The following CDK17 variants were observed in gnomAD, a reference collection of about 807,000 sequenced individuals.
CDK17 encodes cyclin dependent kinase 17.
A neutral mutation model predicts 77.6 loss-of-function variants in CDK17; 24 were observed. The ratio of observed to expected loss-of-function variants is 0.31; its 90% CI spans 0.22 to 0.44. CDK17 has a LOEUF of 0.44. CDK17 is among the 20% of genes least tolerant of loss of function. The probability of loss-of-function intolerance (pLI) is 1.00; values close to 1 mark genes in which losing one functional copy is unlikely to be tolerated. For synonymous variants in CDK17, 203 were observed against 210.4 expected, an observed-to-expected ratio of 0.96 and a Z score of 0.30; for missense variants, 429 against 622.5, an observed-to-expected ratio of 0.69 and a Z score of 3.31.
intron 1 of CDK17, among the ~76,000 whole-genome samples, chr12:96,340,104 C>T (rs1444367302): frequency 6.6e-6 from 1 of 151,628 alleles, no homozygotes; most frequent in African/African-American, 2.4e-5. Flanking sequence ...TGACATAGAG[C>T]ATTTTATATG....
At chr12:96,291,628 CTT>C (rs1164677307) in intron 10 of CDK17, among the ~76,000 whole-genome samples, 5 of 117,754 alleles carry the variant, frequency 4.2e-5, no homozygotes, top group Admixed American at 1.8e-4. Context: ...ATTCCTTTTG[CTT>C]TTTTTTTTTT....
At chr12:96,355,688 G>A (rs759251692) in intron 1 of CDK17, among the ~76,000 whole-genome samples, 3 of 152,118 alleles carry the variant, frequency 2.0e-5, no homozygotes, top group African/African-American at 7.2e-5. Flanking sequence ...TTACAGGCGT[G>A]AGCCAACGTG....
At chr12:96,375,162 T>C (rs1350217246) in intron 1 of CDK17, among the ~76,000 whole-genome samples, 1 of 152,100 alleles carries the variant, frequency 6.6e-6, no homozygotes, top group Non-Finnish European at 1.5e-5. Flanking sequence ...CAAAAATGAG[T>C]TAAACATAGA....
intron 1 of CDK17, among the ~76,000 whole-genome samples, chr12:96,375,506 T>C (rs573021870): frequency 2.2e-5 from 3 of 138,610 alleles, no homozygotes; most frequent in South Asian, 4.5e-4. Context: ...TCTCTGATCC[T>C]AACCTTTTTT....
chr12:96,337,028 G>A (rs549563773), intron 1 of CDK17, among the ~76,000 whole-genome samples: 16 of 152,094 alleles, frequency 1.1e-4, no homozygotes, highest in Non-Finnish European at 1.6e-4. Flanking sequence ...CGGAAAAAAC[G>A]TAGAGCCTCC....
At chr12:96,319,952 C>T (rs1332585577) in intron 3 of CDK17, among the ~76,000 whole-genome samples, 1 of 148,152 alleles carries the variant, frequency 6.7e-6, no homozygotes, top group Non-Finnish European at 1.5e-5. Context: ...CTGGCCAGGG[C>T]AATCAGGCAG....
At chr12:96,343,632 T>C (rs746406914) in intron 1 of CDK17, among the ~76,000 whole-genome samples, 1 of 152,218 alleles carries the variant, frequency 6.6e-6, no homozygotes, top group Non-Finnish European at 1.5e-5. Flanking sequence ...ACAGAGATAA[T>C]GTAATAGAAA....
At chr12:96,345,026 T>C (rs1953182097) in intron 1 of CDK17, among the ~76,000 whole-genome samples, 1 of 152,220 alleles carries the variant, frequency 6.6e-6, no homozygotes, top group African/African-American at 2.4e-5. Flanking sequence ...TCCCTCCCTG[T>C]TTCCATATGT....
intron 1 of CDK17, among the ~76,000 whole-genome samples, chr12:96,383,677 G>A (rs1953923977): frequency 6.6e-6 from 1 of 152,070 alleles, no homozygotes; most frequent in Non-Finnish European, 1.5e-5. Context: ...AACGGGAGAA[G>A]GACTCTCTAT....
At chr12:96,336,684 C>G (rs527958484) in intron 1 of CDK17, among the ~76,000 whole-genome samples, 2 of 152,156 alleles carry the variant, frequency 1.3e-5, no homozygotes. Context: ...TTTCTACTAA[C>G]GTATCCTCCA....
chr12:96,368,571 C>T (rs539431461), intron 1 of CDK17, among the ~76,000 whole-genome samples: 1 of 152,150 alleles, frequency 6.6e-6, no homozygotes, highest in South Asian at 2.1e-4. Context: ...TCTTGTTGCC[C>T]CTCATTCTTA....
intron 3 of CDK17, among the ~76,000 whole-genome samples, chr12:96,320,590 G>A (rs1377583398): frequency 1.3e-5 from 2 of 149,944 alleles, no homozygotes; most frequent in Admixed American, 1.3e-4. Flanking sequence ...AAACAGCATG[G>A]TACTGGTACC....
chr12:96,334,672 A>G (rs1189138014), intron 2 of CDK17, 47 bp downstream of exon 2: 3 of 953,898 alleles, frequency 3.1e-6, no homozygotes, highest in East Asian at 4.8e-5. Flanking sequence ...TTCTATTCAT[A>G]AAGTAATTAA....
chr12:96,283,061 T>C (rs1444503291), intron 14 of CDK17, among the ~76,000 whole-genome samples: 2 of 152,270 alleles, frequency 1.3e-5, no homozygotes, highest in East Asian at 3.9e-4. Context: ...TCATGAATCA[T>C]AACTGTTTTA....
chr12:96,371,124 TGC>T, intron 1 of CDK17, among the ~76,000 whole-genome samples: 1 of 146,610 alleles, frequency 6.8e-6, no homozygotes, highest in East Asian at 2.1e-4. Context: ...CTGCCCCCAC[TGC>T]ATCACTCATA....
intron 3 of CDK17, among the ~76,000 whole-genome samples, chr12:96,315,700 C>T (rs2137111673): frequency 6.6e-6 from 1 of 152,102 alleles, no homozygotes; most frequent in South Asian, 2.1e-4. Flanking sequence ...ATTGGTAATA[C>T]CTAGGAAGCA....
intron 4 of CDK17, 86 bp from the exon 5 acceptor site, chr12:96,311,263 G>A: frequency 1.8e-6 from 2 of 1,128,088 alleles, no homozygotes; most frequent in Non-Finnish European, 2.4e-6. Flanking sequence ...TTATTTCTTA[G>A]TGATAAGTAA....
chr12:96,282,094 T>C (rs1172592222), intron 15 of CDK17: 1 of 155,416 alleles, frequency 6.4e-6, no homozygotes, highest in Non-Finnish European at 1.4e-5. Context: ...GAAAATCATC[T>C]TTGTATCTTA....
At chr12:96,297,577 T>TC (rs1555199827) in intron 8 of CDK17, 50 bp downstream of exon 8, 4 of 1,176,820 alleles carry the variant, frequency 3.4e-6, no homozygotes, top group Middle Eastern at 4.5e-4. Context: ...TCCAATTTAC[T>TC]ATGTTTTTCT....
Sources: allele counts gnomAD v4.1 joint callset (sites outside exome capture counted in the v4.1 genomes callset), GRCh38; gene constraint gnomAD v4.1.1; transcripts MANE v1.5; gene names NCBI Gene and HGNC (gene_info 2026-07-23, HGNC 2026-07-21).